The following MSRA variants were observed in gnomAD, a reference collection of about 807,000 sequenced individuals.
The protein encoded by MSRA is mitochondrial peptide methionine sulfoxide reductase.
A neutral mutation model predicts 31.3 loss-of-function variants in MSRA; 54 were observed. The observed-to-expected ratio is 1.73, with a 90% confidence interval of 1.39 to 2.17. MSRA has a LOEUF of 2.17. Among genes scored for constraint, MSRA ranks in the 30% most tolerant of loss-of-function variants. MSRA has a pLI of 0.00. For synonymous variants in MSRA, 169 were observed against 116.5 expected, an observed-to-expected ratio of 1.45 and a Z score of -2.90; for missense variants, 507 against 300.9, an observed-to-expected ratio of 1.69 and a Z score of -5.07.
In MSRA at chr8:10,288,066, T is replaced by A. The variant is rs936474417; in HGVS notation, c.332-13468T>A. Among the ~76,000 whole-genome samples, 40 of 152,316 alleles carry A rather than the reference T, an allele frequency of 2.6e-4. 1 individual carries two copies. The highest frequency in any genetic ancestry group is 9.6e-4 in the African/African-American group (40 of 41,566). On this transcript the variant is annotated intron_variant, in intron 3 of 5. Transcript: ENST00000317173. Reference sequence around the variant, plus strand: ...ATGAATCCCTCCTGTGGTTGTGATGTTGGATTACGAGCCCCATACAAAAGT... The same window carrying A: ...ATGAATCCCTCCTGTGGTTGTGATGATGGATTACGAGCCCCATACAAAAGT...
At chr8:10,302,893 A>G (rs919397079) in intron 4 of MSRA, among the ~76,000 whole-genome samples, 4 of 152,240 alleles carry the variant, frequency 2.6e-5, no homozygotes, top group Non-Finnish European at 5.9e-5. Context: ...CAGAAGGTTC[A>G]CGTGTCACCC....
At chr8:10,410,987 C>A (rs1192765440) in intron 5 of MSRA, 2 of 151,830 alleles carry the variant, frequency 1.3e-5, no homozygotes, top group Admixed American at 6.6e-5. Flanking sequence ...TTCCTTTCTC[C>A]CTCCCTCCTT....
At chr8:10,247,059 C>T (rs772317489) in intron 3 of MSRA, among the ~76,000 whole-genome samples, 2 of 152,214 alleles carry the variant, frequency 1.3e-5, no homozygotes, top group Non-Finnish European at 2.9e-5. Flanking sequence ...TGTTAACAAT[C>T]AGTTAGAATA....
chr8:10,154,047 C>A (rs1382997562), intron 1 of MSRA, among the ~76,000 whole-genome samples: 1 of 152,126 alleles, frequency 6.6e-6, no homozygotes, highest in Non-Finnish European at 1.5e-5. Flanking sequence ...GGAATCTGTA[C>A]CATCATAGAT....
At chr8:10,395,705 G>T (rs1807055076) in intron 5 of MSRA, among the ~76,000 whole-genome samples, 1 of 152,108 alleles carries the variant, frequency 6.6e-6, no homozygotes, top group African/African-American at 2.4e-5. Flanking sequence ...TTGACCCTGG[G>T]TTCATCCTAG....
intron 4 of MSRA, among the ~76,000 whole-genome samples, chr8:10,318,945 T>C (rs6997398): frequency 0.98 from 149,092 of 152,214 alleles, 73,096 homozygotes; most frequent in East Asian, 1. Flanking sequence ...CCGCAGTCCT[T>C]ACCTTTGTTC....
intron 3 of MSRA, among the ~76,000 whole-genome samples, chr8:10,285,697 T>C (rs888817210): frequency 1.3e-5 from 2 of 151,810 alleles, no homozygotes; most frequent in African/African-American, 4.8e-5. Flanking sequence ...TCTACTTCTA[T>C]AAGATCAACT....
intron 5 of MSRA, among the ~76,000 whole-genome samples, chr8:10,389,952 C>A (rs547587281): frequency 6.6e-6 from 1 of 152,158 alleles, no homozygotes; most frequent in Non-Finnish European, 1.5e-5. Context: ...TTTGACCCAC[C>A]TGAGCCCACT....
At chr8:10,280,854 CA>C (rs1563303878) in intron 3 of MSRA, among the ~76,000 whole-genome samples, 1 of 152,198 alleles carries the variant, frequency 6.6e-6, no homozygotes, top group African/African-American at 2.4e-5. Context: ...ATGCACACAA[CA>C]ACATGGTCGA....
At chr8:10,157,169 A>G (rs1441157410) in intron 1 of MSRA, among the ~76,000 whole-genome samples, 1 of 151,972 alleles carries the variant, frequency 6.6e-6, no homozygotes, top group Non-Finnish European at 1.5e-5. Flanking sequence ...GAAATAAACC[A>G]TTTTACATAG....
At chr8:10,408,914 C>T (rs1194063340) in intron 5 of MSRA, among the ~76,000 whole-genome samples, 2 of 152,182 alleles carry the variant, frequency 1.3e-5, no homozygotes, top group Admixed American at 6.5e-5. Flanking sequence ...TTTTTAATGG[C>T]TGAGTAGTAT....
intron 1 of MSRA, among the ~76,000 whole-genome samples, chr8:10,056,198 CAAAAAAAAAAAA>C (rs35457688): frequency 1.5e-4 from 14 of 91,018 alleles, no homozygotes; most frequent in Admixed American, 1.5e-3. Context: ...TCCCATACAC[CAAAAAAAAAAAA>C]AAAAAAAAAA....
chr8:10,390,008 G>C (rs55640501), intron 5 of MSRA, among the ~76,000 whole-genome samples: 4 of 152,052 alleles, frequency 2.6e-5, no homozygotes. Context: ...TACCAGGTCA[G>C]ACTCTGCTTC....
chr8:10,346,562 C>T (rs1014515940), intron 5 of MSRA, among the ~76,000 whole-genome samples: 3 of 152,168 alleles, frequency 2.0e-5, no homozygotes, highest in Admixed American at 2.0e-4. Context: ...CTAGCCCTTG[C>T]GTTCGGCAGA....
intron 1 of MSRA, among the ~76,000 whole-genome samples, chr8:10,202,934 C>T (rs1808629859): frequency 6.6e-6 from 1 of 152,062 alleles, no homozygotes; most frequent in Non-Finnish European, 1.5e-5. Context: ...AGCTGAGAGT[C>T]ACAGTCAGGC....
chr8:10,232,058 A>G (rs944481021), intron 2 of MSRA, among the ~76,000 whole-genome samples: 2 of 152,186 alleles, frequency 1.3e-5, no homozygotes, highest in Admixed American at 1.3e-4. Flanking sequence ...TCAGGGTGGA[A>G]TGGCTGTGCC....
intron 1 of MSRA, among the ~76,000 whole-genome samples, chr8:10,077,108 G>A (rs191428694): frequency 6.1e-4 from 92 of 150,742 alleles, no homozygotes; most frequent in African/African-American, 2.2e-3. Flanking sequence ...AAAGTAGTTA[G>A]AAAAGCAAAA....
At chr8:10,249,883 T>C (rs1013474534) in intron 3 of MSRA, among the ~76,000 whole-genome samples, 4 of 152,226 alleles carry the variant, frequency 2.6e-5, no homozygotes, top group Non-Finnish European at 5.9e-5. Context: ...TGGACTGGAA[T>C]AGCCATGAGG....
intron 4 of MSRA, among the ~76,000 whole-genome samples, chr8:10,303,908 G>C (rs541198179): frequency 1.3e-5 from 2 of 152,170 alleles, no homozygotes; most frequent in Admixed American, 1.3e-4. Context: ...TATTTGCCAG[G>C]TGCCCTTTTA....
Sources: allele counts gnomAD v4.1 joint callset (sites outside exome capture counted in the v4.1 genomes callset), GRCh38; gene constraint gnomAD v4.1.1; transcripts MANE v1.5; gene names NCBI Gene and HGNC (gene_info 2026-07-23, HGNC 2026-07-21).